Variants in UNC13C observed in about 807,000 individuals in gnomAD.
UNC13C encodes unc-13 homolog C, also known as protein unc-13 homolog C.
A neutral mutation model predicts 245.4 loss-of-function variants in UNC13C; 174 were observed. The observed-to-expected ratio is 0.71, with a 90% CI of 0.63 to 0.80. The LOEUF is 0.80. Ranked by LOEUF, UNC13C falls within the 30% of genes least tolerant of loss-of-function variation. The pLI is 0.00. For missense variants in UNC13C, 2,829 were observed against 2,602.9 expected, an observed-to-expected ratio of 1.09 and a Z score of -1.89; for synonymous variants, 992 against 895.1, an observed-to-expected ratio of 1.11 and a Z score of -1.93.
intron 30 of UNC13C, among the ~76,000 whole-genome samples, chr15:54,591,671 TTC>T (rs1379567942): frequency 2.6e-5 from 4 of 152,170 alleles, no homozygotes; most frequent in Admixed American, 1.3e-4. Context: ...TATTTGGATT[TTC>T]TCTTTTTTTC....
At chr15:54,261,608 T>C (rs536733174) in intron 8 of UNC13C, among the ~76,000 whole-genome samples, 18 of 152,356 alleles carry the variant, frequency 1.2e-4, no homozygotes, top group African/African-American at 4.3e-4. Context: ...AGTGGCGCCA[T>C]CTGGGCTCAC....
intron 19 of UNC13C, among the ~76,000 whole-genome samples, chr15:54,485,840 A>G (rs1043945608): frequency 6.6e-6 from 1 of 152,258 alleles, no homozygotes; most frequent in East Asian, 1.9e-4. Flanking sequence ...GCTCTTCCAG[A>G]AGATGGCTCT....
the UNC13C span, among the ~76,000 whole-genome samples, chr15:53,865,342 G>C: frequency 6.6e-6 from 1 of 152,118 alleles, no homozygotes; most frequent in Non-Finnish European, 1.5e-5. Flanking sequence ...TCACGGTTTT[G>C]GAGGCTGGAA....
At chr15:54,383,886 A>C (rs1163479461) in intron 17 of UNC13C, among the ~76,000 whole-genome samples, 1 of 152,102 alleles carries the variant, frequency 6.6e-6, no homozygotes, top group Non-Finnish European at 1.5e-5. Flanking sequence ...TAGCCAAAAA[A>C]GAAATTAAGA....
chr15:53,942,396 T>C, the UNC13C span, among the ~76,000 whole-genome samples: 1 of 151,962 alleles, frequency 6.6e-6, no homozygotes, highest in African/African-American at 2.4e-5. Context: ...ACACTGGGCC[T>C]GTTGGTGGGG....
chr15:53,946,219 C>G, the UNC13C span, among the ~76,000 whole-genome samples: 1 of 152,062 alleles, frequency 6.6e-6, no homozygotes, highest in East Asian at 1.9e-4. Context: ...TTTGGATGCC[C>G]TTTATTTCTT....
chr15:54,278,629 G>T (rs1293222497), intron 10 of UNC13C, among the ~76,000 whole-genome samples: 1 of 151,990 alleles, frequency 6.6e-6, no homozygotes, highest in African/African-American at 2.4e-5. Context: ...ATCAGACTAG[G>T]TTTTGTGAAT....
At chr15:54,459,111 A>G (rs950883414) in intron 19 of UNC13C, among the ~76,000 whole-genome samples, 1 of 152,062 alleles carries the variant, frequency 6.6e-6, no homozygotes, top group African/African-American at 2.4e-5. Flanking sequence ...TTCTCTCAGC[A>G]TTTGTCTGAA....
intron 19 of UNC13C, among the ~76,000 whole-genome samples, chr15:54,485,474 G>A (rs375341935): frequency 6.6e-6 from 1 of 152,180 alleles, no homozygotes; most frequent in African/African-American, 2.4e-5. Context: ...TACCACCCAA[G>A]TGTCCAAGCT....
At chr15:53,965,222 C>T in the UNC13C span, among the ~76,000 whole-genome samples, 1 of 152,088 alleles carries the variant, frequency 6.6e-6, no homozygotes, top group Non-Finnish European at 1.5e-5. Context: ...CACTTACGTG[C>T]CTATCAACTG....
rs1901279180 is a variant in UNC13C, at chr15:54,627,786, GATCAC to G, written c.*681_*685del. 1 of 152,528 alleles carries G rather than the reference GATCAC, an allele frequency of 6.6e-6. No individual in the cohort carries two copies. Among genetic ancestry groups the G allele is most frequent in the Non-Finnish European group, 1.5e-5 (1 of 67,992 alleles). 9.4% of individuals were successfully genotyped at this position (152,528 alleles called of 1,614,324 possible). A position where few individuals can be genotyped will look rare whatever the true frequency, so the allele number is the denominator to read the frequency against. The stretch of plus-strand genomic sequence containing the variant: ...AAACTTTGTTCTCTAAAACTGCCAA[GATCAC>G]ATCACATTTGTAAAAATGGTAAGTT... On this transcript the variant is annotated 3_prime_UTR_variant, in exon 33 of 33. Transcript: ENST00000260323.
intron 17 of UNC13C, among the ~76,000 whole-genome samples, chr15:54,371,860 C>A (rs1045936059): frequency 2.0e-5 from 3 of 152,066 alleles, no homozygotes; most frequent in Non-Finnish European, 4.4e-5. Flanking sequence ...ACAAACACTG[C>A]ATGATCTCAC....
chr15:54,516,691 T>C (rs1177968726), intron 24 of UNC13C, among the ~76,000 whole-genome samples: 1 of 150,428 alleles, frequency 6.6e-6, no homozygotes. Context: ...TCCCAGCTAC[T>C]CAGGAGGCTG....
At chr15:54,322,277 A>G (rs991641176) in intron 14 of UNC13C, among the ~76,000 whole-genome samples, 182 bp downstream of exon 14, 2 of 152,056 alleles carry the variant, frequency 1.3e-5, no homozygotes, top group Admixed American at 6.6e-5. Flanking sequence ...TTGACAATCA[A>G]TAAGAATTTT....
intron 25 of UNC13C, 73 bp downstream of exon 25, chr15:54,525,710 CT>C: frequency 8.2e-7 from 1 of 1,222,818 alleles, no homozygotes; most frequent in Non-Finnish European, 1.2e-6. Flanking sequence ...GCCTTCAATG[CT>C]GTTTCCTCTG....
chr15:53,907,851 G>GAGTAAAATAAATAAA, the UNC13C span, among the ~76,000 whole-genome samples: 18 of 146,414 alleles, frequency 1.2e-4, 2 homozygotes, highest in South Asian at 2.3e-3. Flanking sequence ...TTGAATAAAT[G>GAGTAAAATAAATAAA]AGTAAAATAA....
chr15:54,005,614 TTAAGGAC>T (rs1387653444), intron 1 of UNC13C, among the ~76,000 whole-genome samples: 1 of 152,082 alleles, frequency 6.6e-6, no homozygotes, highest in Non-Finnish European at 1.5e-5. Flanking sequence ...AGAAGAATAA[TTAAGGAC>T]TAAATATCAT....
intron 19 of UNC13C, 141 bp from the exon 20 acceptor site, chr15:54,494,467 G>A (rs1294204238): frequency 2.7e-6 from 2 of 753,804 alleles, no homozygotes; most frequent in East Asian, 6.7e-5. Flanking sequence ...TTTTAGGTCA[G>A]CTTTTAGCAA....
chr15:54,288,272 G>T (rs1197085026), intron 10 of UNC13C, among the ~76,000 whole-genome samples: 2 of 152,064 alleles, frequency 1.3e-5, no homozygotes, highest in Non-Finnish European at 2.9e-5. Context: ...TCGTTTATCA[G>T]TTTCCCTCTA....
Sources: allele counts gnomAD v4.1 joint callset (sites outside exome capture counted in the v4.1 genomes callset), GRCh38; gene constraint gnomAD v4.1.1; transcripts MANE v1.5; gene names NCBI Gene and HGNC (gene_info 2026-07-23, HGNC 2026-07-21).